The following PARN variants were observed in gnomAD, a reference collection of about 807,000 sequenced individuals.
PARN encodes poly(A)-specific ribonuclease PARN.
In PARN, 71 loss-of-function variants were observed where a neutral mutation model predicts 102.8. The observed-to-expected ratio is 0.69, with a 90% CI of 0.57 to 0.84. The LOEUF is 0.84. PARN is among the 40% of genes least tolerant of loss of function. PARN has a pLI of 0.00. For synonymous variants in PARN, 261 were observed against 252.9 expected (o/e 1.03, Z -0.30); for missense variants, 782 against 760.9 (o/e 1.03, Z -0.33).
chr16:14,524,560 C>G (rs1042095285), intron 21 of PARN, among the ~76,000 whole-genome samples: 1 of 152,040 alleles, frequency 6.6e-6, no homozygotes, highest in African/African-American at 2.4e-5. Context: ...GGGAAAAGCT[C>G]CTTTAACTAA....
rs530214031 is a variant in PARN, at chr16:14,566,809, C to A, written c.1263-11100G>T. Among the ~76,000 whole-genome samples, 13 of 152,314 alleles carry A rather than the reference C, an allele frequency of 8.5e-5. No individual in the cohort carries two copies. The East Asian group carries it at 2.5e-3, about 29-fold the overall frequency. On this transcript the variant is annotated intron_variant, in intron 18 of 23. Transcript: ENST00000437198. ...CAGCTCAGCACGTGGACTGCCCCTG[C>A]AGTGCTGCAGGGCTAGCATACCAAG...
In PARN at chr16:14,606,484, CT is replaced by C; in HGVS notation, c.701del (p.Lys234ArgfsTer6). The C allele has an allele frequency of 3.2e-6, 5 of 1,561,340 alleles. No homozygotes were observed. Among genetic ancestry groups the C allele is most frequent in the Non-Finnish European group, 3.5e-6 (4 of 1,139,614 alleles). ...GIHVETLETE[K>X]KERYIVISKV... The stretch of plus-strand genomic sequence containing the variant: ...AGCCCTAGATAATTCTTGGGGTTAC[CT>C]TTTCAGTTTCTAAAGTCTCAACATG... On this transcript the variant is annotated frameshift_variant and splice_region_variant, in exon 10 of 24. Transcript: ENST00000437198. LOFTEE classifies it high-confidence loss of function.
Position 14,518,597 on chromosome 16 carries a change from G to A in PARN, c.1480+33424C>T, listed in dbSNP as rs565249314. Among the ~76,000 whole-genome samples the A allele has an allele frequency of 7.6e-4, 115 of 152,074 alleles. 2 individuals carry two copies. The highest frequency in any genetic ancestry group is 2.7e-3 in the African/African-American group (111 of 41,430). On this transcript the variant is annotated intron_variant, in intron 21 of 23. Transcript: ENST00000437198. The stretch of plus-strand genomic sequence containing the variant: ...CAGATTACAATTTACCTAAGAAACA[G>A]AAGAATATAAATATGTATACTTATG...
chr16:14,629,842 G>T (rs549616621), intron 1 of PARN, among the ~76,000 whole-genome samples, 168 bp from the exon 2 acceptor site: 2 of 152,340 alleles, frequency 1.3e-5, no homozygotes, highest in South Asian at 4.1e-4. Flanking sequence ...CATGGGTCAG[G>T]GGGGACAAGC....
At chr16:14,493,865 T>A (rs1347470716) in intron 21 of PARN, among the ~76,000 whole-genome samples, 1 of 152,204 alleles carries the variant, frequency 6.6e-6, no homozygotes, top group African/African-American at 2.4e-5. Context: ...TTTCTTTTTC[T>A]TCTTCATGGT....
chr16:14,510,106 T>G (rs1233535615), intron 21 of PARN, among the ~76,000 whole-genome samples: 1 of 152,188 alleles, frequency 6.6e-6, no homozygotes, highest in African/African-American at 2.4e-5. Context: ...TGTCCTCTAC[T>G]GGGTGTTGCT....
At chr16:14,558,892 T>C (rs1211413883) in intron 18 of PARN, among the ~76,000 whole-genome samples, 1 of 152,164 alleles carries the variant, frequency 6.6e-6, no homozygotes, top group Non-Finnish European at 1.5e-5. Flanking sequence ...TTTTAAACTT[T>C]AAAGGCTACC....
chr16:14,560,641 G>C (rs1385249627), intron 18 of PARN, among the ~76,000 whole-genome samples: 1 of 152,178 alleles, frequency 6.6e-6, no homozygotes, highest in African/African-American at 2.4e-5. Context: ...GGCAGTGCTT[G>C]TTATCCTGGC....
intron 23 of PARN, 96 bp downstream of exon 23, chr16:14,446,792 A>C: frequency 1.2e-6 from 1 of 815,326 alleles, no homozygotes; most frequent in Non-Finnish European, 1.9e-6. Flanking sequence ...TTTGCCACCA[A>C]GTGAAGCCTT....
At chr16:14,460,054 C>A (rs1961879711) in intron 22 of PARN, among the ~76,000 whole-genome samples, 1 of 152,120 alleles carries the variant, frequency 6.6e-6, no homozygotes, top group South Asian at 2.1e-4. Flanking sequence ...ATGAGAAAAT[C>A]TCTGTGACCT....
At chr16:14,582,838 T>C (rs1246702508) in intron 16 of PARN, among the ~76,000 whole-genome samples, 2 of 152,104 alleles carry the variant, frequency 1.3e-5, no homozygotes, top group African/African-American at 4.8e-5. Context: ...CAAAAGGTTA[T>C]TGTTAGGATC....
In PARN at chr16:14,584,400, A is replaced by G. The variant is rs747102827; in HGVS notation, c.1028T>C (p.Leu343Pro). 2 of 1,613,358 alleles carry G rather than the reference A, an allele frequency of 1.2e-6. No homozygotes were observed. The highest frequency in any genetic ancestry group is 1.7e-5 in the Admixed American group (1 of 60,010). ...PFKDIINNTS[L>P]AELEKRLKET... ...TTTTAACCGCTTTTCCAATTCCGCAAGGGATGTGTTGTTAATGATATCCTG... is the reference window on the plus strand; with the variant it reads ...TTTTAACCGCTTTTCCAATTCCGCAGGGGATGTGTTGTTAATGATATCCTG... The change falls in exon 16 of 24, where the codon CTT (leucine) becomes CCT (proline). Residue 343 changes from leucine to proline, a missense_variant. Transcript: ENST00000437198.
intron 7 of PARN, 57 bp downstream of exon 7, chr16:14,610,587 C>T (rs550195658): frequency 1.5e-5 from 16 of 1,052,622 alleles, no homozygotes; most frequent in Non-Finnish European, 2.1e-5. Flanking sequence ...ATATAGATGC[C>T]TGTCATCCCC....
chr16:14,503,571 AATT>A (rs1417848388), intron 21 of PARN, among the ~76,000 whole-genome samples: 1 of 152,152 alleles, frequency 6.6e-6, no homozygotes, highest in African/African-American at 2.4e-5. Flanking sequence ...CTGTCCTATA[AATT>A]CAGGTTCTGG....
chr16:14,589,620 C>A (rs572768009), intron 13 of PARN, among the ~76,000 whole-genome samples: 2 of 151,418 alleles, frequency 1.3e-5, no homozygotes, highest in Non-Finnish European at 2.9e-5. Context: ...AATCGCAACA[C>A]TTTGGGAGGC....
chr16:14,574,781 A>C lies in PARN; in HGVS notation c.1262+6093T>G, dbSNP rs117097603. Among the ~76,000 whole-genome samples the C allele has an allele frequency of 8.0e-3, 1,217 of 152,298 alleles. 2 individuals carry two copies. Among genetic ancestry groups the C allele is most frequent in the Non-Finnish European group, 0.012 (808 of 68,028 alleles). On this transcript the variant is annotated intron_variant, in intron 18 of 23. Transcript: ENST00000437198. ...GCTGGCTGCAGAAATTTGCGTAAGT[A>C]ATGAGGAGCCAAAGACAATGGGGAA...
At chr16:14,608,093 A>G (rs1971303137) in intron 9 of PARN, 188 bp downstream of exon 9, 1 of 606,402 alleles carries the variant, frequency 1.6e-6, no homozygotes, top group Admixed American at 3.5e-5. Flanking sequence ...GCCTTAAAGC[A>G]TCTGTTAAAA....
intron 18 of PARN, chr16:14,575,959 G>A (rs529763337): frequency 2.0e-5 from 3 of 152,706 alleles, no homozygotes; most frequent in African/African-American, 4.8e-5. Flanking sequence ...TTAAAAATGG[G>A]AGTGTCCCTG....
At chr16:14,594,006 A>C (rs1970358312) in intron 12 of PARN, among the ~76,000 whole-genome samples, 2 of 152,100 alleles carry the variant, frequency 1.3e-5, no homozygotes, top group South Asian at 4.1e-4. Context: ...CAAAAAAAAA[A>C]AAGTAAAATC....
Sources: allele counts gnomAD v4.1 joint callset (sites outside exome capture counted in the v4.1 genomes callset), GRCh38; gene constraint gnomAD v4.1.1; transcripts MANE v1.5; gene names NCBI Gene and HGNC (gene_info 2026-07-23, HGNC 2026-07-21).